CKAP5: variants seen among roughly 807,000 people sequenced by gnomAD.
CKAP5 encodes the protein cytoskeleton-associated protein 5.
A neutral mutation model predicts 232.8 loss-of-function variants in CKAP5; 27 were observed. That is an observed-to-expected ratio of 0.12 (90% CI 0.09 to 0.16). The LOEUF is 0.16. CKAP5 is among the 10% of genes least tolerant of loss of function. CKAP5 has a pLI of 1.00. For missense variants in CKAP5, 1,838 were observed against 2,424.7 expected (o/e 0.76, Z 5.08); for synonymous variants, 785 against 841.1 (o/e 0.93, Z 1.16).
intron 42 of CKAP5, among the ~76,000 whole-genome samples, chr11:46,747,203 T>C (rs1238461024): frequency 1.3e-5 from 2 of 152,188 alleles, no homozygotes; most frequent in East Asian, 1.9e-4. Flanking sequence ...TTGATATGCA[T>C]GACTAGACAC....
At chr11:46,760,445 C>A in intron 33 of CKAP5, 167 bp downstream of exon 33, 3 of 728,792 alleles carry the variant, frequency 4.1e-6, no homozygotes, top group South Asian at 1.6e-5. Flanking sequence ...AAGACAAAGA[C>A]AATGAAGACT....
At chr11:46,819,723 GA>G (rs200162003) in intron 2 of CKAP5, among the ~76,000 whole-genome samples, 1 of 152,022 alleles carries the variant, frequency 6.6e-6, no homozygotes, top group Admixed American at 6.6e-5. Flanking sequence ...TATGCTCACA[GA>G]AAAAACTCTT....
chr11:46,774,373 T>G (rs1238325814), intron 24 of CKAP5, among the ~76,000 whole-genome samples: 1 of 152,224 alleles, frequency 6.6e-6, no homozygotes, highest in Admixed American at 6.5e-5. Flanking sequence ...TCCATGCTCA[T>G]GGATAGGAAG....
At chr11:46,830,315 C>A (rs1340508193) in intron 1 of CKAP5, among the ~76,000 whole-genome samples, 2 of 151,726 alleles carry the variant, frequency 1.3e-5, no homozygotes, top group African/African-American at 4.8e-5. Context: ...GTGGCAGGCA[C>A]CTGTAGTCCC....
At chr11:46,783,191 G>A in intron 18 of CKAP5, 83 bp downstream of exon 18, 1 of 739,686 alleles carries the variant, frequency 1.4e-6, no homozygotes, top group Non-Finnish European at 2.3e-6. Flanking sequence ...GAAATAAACA[G>A]CAATAGCTAT....
intron 4 of CKAP5, among the ~76,000 whole-genome samples, chr11:46,814,059 G>A (rs1939338037): frequency 6.7e-6 from 1 of 148,596 alleles, no homozygotes; most frequent in Admixed American, 6.9e-5. Flanking sequence ...CTTGAACCCA[G>A]GGGCGGAGGT....
chr11:46,761,877 A>C, intron 32 of CKAP5, 123 bp downstream of exon 32: 1 of 675,662 alleles, frequency 1.5e-6, no homozygotes, highest in Non-Finnish European at 2.5e-6. Context: ...ACACATTGAT[A>C]GGTTGAGTTG....
Position 46,815,941 on chromosome 11 carries a change from C to A in CKAP5, c.458+257G>T, listed in dbSNP as rs143515257. Among the ~76,000 whole-genome samples, 31 of 152,250 alleles carry A rather than the reference C, an allele frequency of 2.0e-4. No individual in the cohort carries two copies. The East Asian group carries it at 6.0e-3, about 29-fold the overall frequency. ...AACAGCTACCAAGCGAGAATTACCCCCTGAGCTCTGCCTCCTGCCAGATCA... is the reference window on the plus strand; with the variant it reads ...AACAGCTACCAAGCGAGAATTACCCACTGAGCTCTGCCTCCTGCCAGATCA... On this transcript the variant is annotated intron_variant, in intron 4 of 43. Coordinates refer to ENST00000529230, the MANE Select transcript of CKAP5 (RefSeq NM_001008938.4).
At chr11:46,833,540 C>T (rs1305350686) in intron 1 of CKAP5, among the ~76,000 whole-genome samples, 3 of 150,600 alleles carry the variant, frequency 2.0e-5, no homozygotes, top group East Asian at 2.0e-4. Context: ...AGTGCACTGG[C>T]GGATCTCGGC....
intron 1 of CKAP5, among the ~76,000 whole-genome samples, chr11:46,825,195 A>T (rs1201443749): frequency 6.6e-6 from 1 of 152,212 alleles, no homozygotes; most frequent in Non-Finnish European, 1.5e-5. Flanking sequence ...ATAAATTCCA[A>T]ATTGTCTGAT....
chr11:46,844,579 G>C (rs200136123), intron 1 of CKAP5, among the ~76,000 whole-genome samples: 2 of 152,182 alleles, frequency 1.3e-5, no homozygotes, highest in East Asian at 3.8e-4. Flanking sequence ...TAAAGTAAAA[G>C]GCATGTTAAT....
chr11:46,762,792 G>T, intron 30 of CKAP5, 30 bp from the exon 31 acceptor site: 2 of 1,608,384 alleles, frequency 1.2e-6, no homozygotes, highest in African/African-American at 1.3e-5. Context: ...ATGATTAAGT[G>T]AGGCATTTCC....
rs764052898 is a variant in CKAP5 at position 46,744,004 on chromosome 11, C to A, written c.*19G>T. On this transcript the variant is annotated 3_prime_UTR_variant, in exon 44 of 44. Transcript: ENST00000529230. ...TTTAGTAAACTAAAGCTGCAGGGTG[C>A]CGGGGGAGTGGGGCAGCTTCATTTG... 1 of 1,612,044 alleles carries A rather than the reference C, an allele frequency of 6.2e-7. No individual in the cohort carries two copies.
At chr11:46,757,231 G>A (rs572645312) in intron 35 of CKAP5, among the ~76,000 whole-genome samples, 8 of 151,294 alleles carry the variant, frequency 5.3e-5, no homozygotes, top group East Asian at 2.0e-4. Flanking sequence ...AGTGGCTCAC[G>A]CCTGTAATCC....
Position 46,783,376 on chromosome 11 carries a change from G to T in CKAP5, c.2155-8C>A, listed in dbSNP as rs749373690. On this transcript the variant is annotated splice_region_variant and splice_polypyrimidine_tract_variant and intron_variant, in intron 17 of 43. Coordinates refer to ENST00000529230, the MANE Select transcript of CKAP5 (RefSeq NM_001008938.4). ...GAAAGCCATTGACACAACCTGAAAA[G>T]GGAAAAACAGCAGATCTGTGTTTTA... 4 of 1,539,366 alleles carry T rather than the reference G, an allele frequency of 2.6e-6. No homozygotes were observed. The African/African-American group carries it at 5.5e-5, about 21-fold the overall frequency.
At chr11:46,839,960 A>C (rs1282558921) in intron 1 of CKAP5, among the ~76,000 whole-genome samples, 1 of 152,034 alleles carries the variant, frequency 6.6e-6, no homozygotes, top group Non-Finnish European at 1.5e-5. Context: ...GTAACATGGC[A>C]AAACCCCATC....
chr11:46,762,000 A>G lies in CKAP5; in HGVS notation c.4221T>C (p.Asn1407=). Reference sequence around the variant, plus strand: ...GACAGTGTTCAGAGAAGTCACTCACATTTCCAATCAGTTTGAACACCTGAT... The same window carrying G: ...GACAGTGTTCAGAGAAGTCACTCACGTTTCCAATCAGTTTGAACACCTGAT... ...HGDQVFKLIG[N]LSEKDMSMLE... The change falls in exon 32 of 44, where the codon AAT becomes AAC. Residue 1407 remains asparagine (N), a splice_region_variant and synonymous_variant. Coordinates refer to ENST00000529230, the MANE Select transcript of CKAP5 (RefSeq NM_001008938.4). The G allele has an allele frequency of 6.2e-7, 1 of 1,607,004 alleles. No individual in the cohort carries two copies. The highest frequency in any genetic ancestry group is 8.5e-7 in the Non-Finnish European group (1 of 1,174,996).
At chr11:46,786,961 A>G (rs1049158890) in intron 16 of CKAP5, among the ~76,000 whole-genome samples, 5 of 152,200 alleles carry the variant, frequency 3.3e-5, no homozygotes, top group Non-Finnish European at 5.9e-5. Flanking sequence ...GAAAATCAAA[A>G]TCACAATGAG....
rs938560769 is a variant in CKAP5 at position 46,817,420 on chromosome 11, C to T, written c.251+890G>A. On this transcript the variant is annotated intron_variant, in intron 3 of 43. Coordinates refer to ENST00000529230, the MANE Select transcript of CKAP5 (RefSeq NM_001008938.4). ...TTACAATAACTTTACTGCTTTGAAT[C>T]TCCTCTAAATGAAATGAAACCTACA... Among the ~76,000 whole-genome samples the T allele has an allele frequency of 1.4e-3, 210 of 152,276 alleles. 3 individuals carry two copies. Among genetic ancestry groups the T allele is most frequent in the Non-Finnish European group, 8.8e-4 (60 of 68,020 alleles).
Sources: allele counts gnomAD v4.1 joint callset (sites outside exome capture counted in the v4.1 genomes callset), GRCh38; gene constraint gnomAD v4.1.1; transcripts MANE v1.5; gene names NCBI Gene and HGNC (gene_info 2026-07-23, HGNC 2026-07-21).